Variants in MIA2 observed in about 807,000 individuals in gnomAD.
MIA2 encodes the protein melanoma inhibitory activity protein 2.
In MIA2, 127 loss-of-function variants were observed where a neutral mutation model predicts 167.8. The ratio of observed to expected loss-of-function variants is 0.76; its 90% CI spans 0.66 to 0.88. MIA2 has a LOEUF of 0.88. Ranked by LOEUF, MIA2 falls within the 40% of genes least tolerant of loss-of-function variation. The pLI is 0.00. For missense variants in MIA2, 1,690 were observed against 1,624.7 expected (o/e 1.04, Z -0.69); for synonymous variants, 552 against 541.9 (o/e 1.02, Z -0.26).
At chr14:39,293,475 T>TA (rs1456948710) in intron 11 of MIA2, 94 bp downstream of exon 11, 8 of 878,798 alleles carry the variant, frequency 9.1e-6, no homozygotes, top group Non-Finnish European at 1.2e-5. Context: ...TACATTATTG[T>TA]AAAAAATGTA....
At chr14:39,316,761 C>T (rs1436057654) in intron 21 of MIA2, among the ~76,000 whole-genome samples, 1 of 152,110 alleles carries the variant, frequency 6.6e-6, no homozygotes, top group African/African-American at 2.4e-5. Context: ...CACTGCTCAC[C>T]ACTTGTAAAA....
intron 1 of MIA2, among the ~76,000 whole-genome samples, chr14:39,236,195 G>A (rs1471264480): frequency 6.6e-6 from 1 of 152,146 alleles, no homozygotes; most frequent in Non-Finnish European, 1.5e-5. Context: ...AGTAAATAGT[G>A]ATGCAGCCTA....
At chr14:39,315,303 CAAA>C (rs11345079) in intron 20 of MIA2, 26 of 132,390 alleles carry the variant, frequency 2.0e-4, no homozygotes, top group Non-Finnish European at 3.0e-4. Context: ...GACTCCGTCT[CAAA>C]AAAAAAAAAA....
chr14:39,315,651 G>A (rs751102271), intron 20 of MIA2, 32 bp from the exon 21 acceptor site: 1 of 1,493,546 alleles, frequency 6.7e-7, no homozygotes, highest in Non-Finnish European at 9.2e-7. Flanking sequence ...AAAAATAATG[G>A]TCAGTAGCAT....
At chr14:39,281,405 A>G (rs2049194935) in intron 9 of MIA2, among the ~76,000 whole-genome samples, 1 of 152,102 alleles carries the variant, frequency 6.6e-6, no homozygotes, top group South Asian at 2.1e-4. Context: ...CAGTCTAGAC[A>G]TAATCTTCTT....
At chr14:39,318,192 CTGAAGTGGCACT>C (rs2065832740) in intron 22 of MIA2, among the ~76,000 whole-genome samples, 181 bp downstream of exon 22, 1 of 152,094 alleles carries the variant, frequency 6.6e-6, no homozygotes, top group African/African-American at 2.4e-5. Context: ...TCTTAGGTCA[CTGAAGTGGCACT>C]TGGAGGAAAC....
At chr14:39,250,637 A>T (rs2054520938) in intron 4 of MIA2, among the ~76,000 whole-genome samples, 1 of 151,666 alleles carries the variant, frequency 6.6e-6, no homozygotes, top group Non-Finnish European at 1.5e-5. Context: ...CGGAGGTTGC[A>T]GCGAGCTGAA....
intron 13 of MIA2, among the ~76,000 whole-genome samples, chr14:39,295,388 G>A (rs2061287988): frequency 6.6e-6 from 1 of 152,050 alleles, no homozygotes. Context: ...ATCACATAAG[G>A]ATGTGACATT....
Position 39,247,994 on chromosome 14 carries a change from C to A in MIA2, c.1420C>A (p.Pro474Thr). ...FDNPWNFQNI[P>T]KETELPFPKQ... is the part of the protein sequence containing the mutation. ...CAACCCTTGGAACTTCCAGAACATT[C>A]CAAAGGAAACAGAATTGCCATTTCC... The change falls in exon 4 of 29, where the codon CCA becomes ACA. Residue 474 changes from proline to threonine, a missense_variant. Physicochemically the swap from Pro to Thr is conservative, Grantham distance 38 (BLOSUM62 -1). Transcript: ENST00000640607. 2 of 1,581,648 alleles carry A rather than the reference C, an allele frequency of 1.3e-6. No individual in the cohort carries two copies. Among genetic ancestry groups the A allele is most frequent in the Non-Finnish European group, 1.7e-6 (2 of 1,171,700 alleles).
chr14:39,358,691 C>G (rs1434713930), intron 23 of MIA2, among the ~76,000 whole-genome samples: 5 of 151,962 alleles, frequency 3.3e-5, no homozygotes, highest in Non-Finnish European at 7.4e-5. Context: ...TTTTATCTAC[C>G]TTTGGTCTTT....
In MIA2 at chr14:39,295,003, T is replaced by G. The variant is rs1258398229; in HGVS notation, c.2470T>G (p.Ser824Ala). The G allele has an allele frequency of 1.2e-6, 2 of 1,613,054 alleles. No homozygotes were observed. The highest frequency in any genetic ancestry group is 1.3e-5 in the African/African-American group (1 of 74,870). ...AATAAAAGATGCTTTGAATGAAAAT[T>G]CTCAACTTCAGGAAAGCCAGAAACA... ...IAIKDALNEN[S>A]QLQESQKQLL... The change falls in exon 13 of 29, where the codon TCT (serine) becomes GCT (alanine). Residue 824 changes from serine (S) to alanine (A), a missense_variant. Transcript: ENST00000640607.
Position 39,252,870 on chromosome 14 carries a change from G to A in MIA2, c.1690G>A (p.Val564Met), listed in dbSNP as rs747874770. The A allele has an allele frequency of 6.2e-7, 1 of 1,614,036 alleles. No individual in the cohort carries two copies. Residue 564 changes from valine to methionine, a missense_variant, in exon 5 of 29, where the codon GTG (valine) becomes ATG (methionine). Physicochemically the swap from Val to Met is conservative, Grantham distance 21. Transcript: ENST00000640607. Reference sequence around the variant, plus strand: ...AGTAGACACCGAAGGGCCTGCTCTGGTGGAGATAGACAGATCTGTGGAAAA... The same window carrying A: ...AGTAGACACCGAAGGGCCTGCTCTGATGGAGATAGACAGATCTGTGGAAAA... ...PSVDTEGPAL[V>M]EIDRSVENTL...
chr14:39,252,725 C>A, intron 4 of MIA2, 23 bp from the exon 5 acceptor site: 1 of 1,562,294 alleles, frequency 6.4e-7, no homozygotes, highest in Non-Finnish European at 8.7e-7. Context: ...TGGAAAAACA[C>A]ATTTCTTTTT....
chr14:39,363,514 G>C (rs891810088), intron 23 of MIA2, among the ~76,000 whole-genome samples: 2 of 152,160 alleles, frequency 1.3e-5, no homozygotes, highest in African/African-American at 4.8e-5. Context: ...GGGTGACACA[G>C]CGAGACCCTG....
chr14:39,267,424 G>C (rs781021576), intron 6 of MIA2: 5 of 1,610,340 alleles, frequency 3.1e-6, no homozygotes, highest in Non-Finnish European at 4.2e-6. Context: ...GACAGGCCGG[G>C]GTTACTGTGG....
Position 39,315,778 on chromosome 14 carries a change from CGTT to C in MIA2, c.3216+64_3216+66del, listed in dbSNP as rs1439478805. 6.2e-6 allele frequency: 7 copies of C among 1,122,128 alleles called. No individual in the cohort carries two copies. The African/African-American group carries it at 7.9e-5, about 13-fold the overall frequency. 69.5% of individuals were successfully genotyped at this position (1,122,128 alleles called of 1,614,324 possible). On this transcript the variant is annotated intron_variant, in intron 21 of 28. Transcript: ENST00000640607. ...AATTGTATGTTTTTTTCAGAAGATA[CGTT>C]GTTTATTTAAATTAGATGAAAATAA... is the stretch of plus-strand genomic sequence containing the variant.
At chr14:39,303,450 A>C in intron 15 of MIA2, 28 bp from the exon 16 acceptor site, 1 of 1,579,574 alleles carries the variant, frequency 6.3e-7, no homozygotes, top group African/African-American at 1.4e-5. Flanking sequence ...TTCCCAAATC[A>C]TTGTTGTGCT....
At chr14:39,291,588 G>A (rs2060745968) in intron 10 of MIA2, among the ~76,000 whole-genome samples, 2 of 152,170 alleles carry the variant, frequency 1.3e-5, no homozygotes, top group South Asian at 4.1e-4. Flanking sequence ...GTGTATGTTG[G>A]TAAATGTTTG....
chr14:39,255,117 A>G (rs1335472965), intron 6 of MIA2, among the ~76,000 whole-genome samples: 2 of 152,044 alleles, frequency 1.3e-5, no homozygotes, highest in Non-Finnish European at 2.9e-5. Flanking sequence ...TGCTTGATTC[A>G]AGAGAGTTGA....
Sources: allele counts gnomAD v4.1 joint callset (sites outside exome capture counted in the v4.1 genomes callset), GRCh38; gene constraint gnomAD v4.1.1; transcripts MANE v1.5; gene names NCBI Gene and HGNC (gene_info 2026-07-23, HGNC 2026-07-21).